KBTBD11: variants seen among roughly 807,000 people sequenced by gnomAD.
The protein encoded by KBTBD11 is kelch repeat and BTB domain containing 11.
For missense variants in KBTBD11, 1,390 were observed against 1,001.8 expected (o/e 1.39, Z -5.23); for synonymous variants, 747 against 499.0 (o/e 1.50, Z -6.63).
chr8:1,993,958 C>CAAAAAAAAAAAA lies in KBTBD11; in HGVS notation c.-908-6323_-908-6322insAAAAAAAAAAAA, dbSNP rs1491480347. ...ACACACACACACACACACACACACA[C>CAAAAAAAAAAAA]AAAACCCCATAGATGGTTTATCAGG... On this transcript the variant is annotated intron_variant, in intron 1 of 1. Coordinates refer to ENST00000320248, the MANE Select transcript of KBTBD11 (RefSeq NM_014867.3). 5.4e-5 allele frequency among the ~76,000 whole-genome samples: 8 copies of CAAAAAAAAAAAA among 148,244 alleles called. No individual in the cohort carries two copies. The East Asian group carries it at 1.2e-3, about 22-fold the overall frequency.
rs1010456514 is a variant in KBTBD11 at position 1,973,829 on chromosome 8, G to C, written c.-1015G>C. On this transcript the variant is annotated 5_prime_UTR_variant, in exon 1 of 2. Coordinates refer to ENST00000320248, the MANE Select transcript of KBTBD11 (RefSeq NM_014867.3). Reference sequence around the variant, plus strand: ...CCGCTCGCAGGTGCTCGGAGAGGCCGGGCCGCGGCTCCCACAGGTGCCGGG... The same window carrying C: ...CCGCTCGCAGGTGCTCGGAGAGGCCCGGCCGCGGCTCCCACAGGTGCCGGG... 11 of 983,032 alleles carry C rather than the reference G, an allele frequency of 1.1e-5. No homozygotes were observed. The highest frequency in any genetic ancestry group is 1.8e-5 in the African/African-American group (1 of 56,884). The allele number at this position is 983,032 out of a possible 1,614,324, so 60.9% of individuals were successfully genotyped here. A position where few individuals can be genotyped will look rare whatever the true frequency, so the allele number is the denominator to read the frequency against.
chr8:2,003,253 T>C lies in KBTBD11; in HGVS notation c.*189T>C. 1.0e-6 allele frequency: 1 copy of C among 955,442 alleles called. No homozygotes were observed. The highest frequency in any genetic ancestry group is 1.4e-6 in the Non-Finnish European group (1 of 725,056). The allele number at this position is 955,442 out of a possible 1,614,324, so 59.2% of individuals were successfully genotyped here. On this transcript the variant is annotated 3_prime_UTR_variant, in exon 2 of 2. Coordinates refer to ENST00000320248, the MANE Select transcript of KBTBD11 (RefSeq NM_014867.3). ...TGCTTTCCTTTTGCTTGTCTTTGCT[T>C]CTGGGGGTGGATGCCTTGAGACCCA... is the stretch of plus-strand genomic sequence containing the variant.
chr8:1,984,745 A>T (rs1816656416), intron 1 of KBTBD11, among the ~76,000 whole-genome samples: 1 of 152,164 alleles, frequency 6.6e-6, no homozygotes, highest in African/African-American at 2.4e-5. Flanking sequence ...GACTTTTGAA[A>T]CAAACTGTGA....
chr8:2,002,000 C>G lies in KBTBD11; in HGVS notation c.808C>G (p.Pro270Ala), dbSNP rs780599733. ...SDHYLEVLREPAVFGRLSGAE... is the reference protein window; with the variant it reads ...SDHYLEVLREAAVFGRLSGAE... Reference sequence around the variant, plus strand: ...CCACTATCTGGAGGTGCTGCGCGAGCCCGCCGTGTTCGGCCGCCTGTCGGG... The same window carrying G: ...CCACTATCTGGAGGTGCTGCGCGAGGCCGCCGTGTTCGGCCGCCTGTCGGG... The change falls in exon 2 of 2, where the codon CCC (proline) becomes GCC (alanine). Residue 270 changes from proline (P) to alanine (A), a missense_variant. Pro to Ala is a conservative substitution (Grantham distance 27, BLOSUM62 -1). Transcript: ENST00000320248. 1 of 1,427,192 alleles carries G rather than the reference C, an allele frequency of 7.0e-7. No individual in the cohort carries two copies. Among genetic ancestry groups the G allele is most frequent in the Non-Finnish European group, 9.2e-7 (1 of 1,081,952 alleles). The allele number at this position is 1,427,192 out of a possible 1,614,324, so 88.4% of individuals were successfully genotyped here.
At chr8:1,994,985 G>T (rs910700864) in intron 1 of KBTBD11, among the ~76,000 whole-genome samples, 3 of 149,594 alleles carry the variant, frequency 2.0e-5, no homozygotes, top group African/African-American at 7.4e-5. Flanking sequence ...CTTGAACCCA[G>T]GAGGCAGAGG....
chr8:1,985,004 T>C (rs773122586), intron 1 of KBTBD11, among the ~76,000 whole-genome samples: 2 of 152,194 alleles, frequency 1.3e-5, no homozygotes, highest in Non-Finnish European at 2.9e-5. Flanking sequence ...CCTGGCAGTC[T>C]GATCAGGTAT....
chr8:1,979,022 T>C (rs769370152), intron 1 of KBTBD11, among the ~76,000 whole-genome samples: 9 of 152,158 alleles, frequency 5.9e-5, no homozygotes, highest in Non-Finnish European at 1.2e-4. Context: ...CTCGTGCTGG[T>C]CAGGGTTCTC....
intron 1 of KBTBD11, among the ~76,000 whole-genome samples, chr8:1,983,300 C>T (rs1270404994): frequency 6.6e-6 from 1 of 152,216 alleles, no homozygotes; most frequent in Non-Finnish European, 1.5e-5. Context: ...TAGGCCAGGT[C>T]ATCACAGCTG....
chr8:1,976,424 A>C (rs1397133328), intron 1 of KBTBD11: 1 of 152,230 alleles, frequency 6.6e-6, no homozygotes, highest in Non-Finnish European at 1.5e-5. Context: ...TTTTGCCAAC[A>C]GCCAGGTTCC....
chr8:2,001,799 A>C lies in KBTBD11; in HGVS notation c.607A>C (p.Asn203His). The change falls in exon 2 of 2, where the codon AAC (asparagine) becomes CAC (histidine). Residue 203 changes from asparagine to histidine, a missense_variant. By Grantham distance (68) the Asn-to-His change is moderately conservative. Transcript: ENST00000320248. ...GCGCATGGCGGGCGTGCGGCCCGAC[A>C]ACGTGGCCGAGGTGGTGGCCGGCGC... is the stretch of plus-strand genomic sequence containing the variant. The part of the protein sequence containing the change: ...SGRMAGVRPD[N>H]VAEVVAGARR... The C allele has an allele frequency of 1.6e-6, 2 of 1,249,246 alleles. No homozygotes were observed. The highest frequency in any genetic ancestry group is 2.0e-6 in the Non-Finnish European group (2 of 1,000,962). 77.4% of individuals were successfully genotyped at this position (1,249,246 alleles called of 1,614,324 possible). A position where few individuals can be genotyped will look rare whatever the true frequency, so the allele number is the denominator to read the frequency against.
chr8:1,984,393 G>A (rs1022259018), intron 1 of KBTBD11, among the ~76,000 whole-genome samples: 4 of 143,828 alleles, frequency 2.8e-5, no homozygotes, highest in East Asian at 2.1e-4. Flanking sequence ...GGTTCACGCC[G>A]TTCTCCTGCC....
chr8:2,002,541 A>T lies in KBTBD11; in HGVS notation c.1349A>T (p.His450Leu). The part of the protein sequence containing the change: ...PLPRGAFAVA[H>L]EATTCHGEIY... ...CCCCGGGGCGCCTTCGCCGTGGCGCATGAGGCCACCACCTGCCACGGCGAG... is the reference window on the plus strand; with the variant it reads ...CCCCGGGGCGCCTTCGCCGTGGCGCTTGAGGCCACCACCTGCCACGGCGAG... Residue 450 changes from histidine to leucine, a missense_variant, in exon 2 of 2, where the codon CAT (histidine) becomes CTT (leucine). Physicochemically the swap from His to Leu is moderately conservative, Grantham distance 99. Coordinates refer to ENST00000320248, the MANE Select transcript of KBTBD11 (RefSeq NM_014867.3). The surrounding 1 kb of genome is among the most constrained non-coding windows in gnomAD (Gnocchi z 4.1). 6.4e-7 allele frequency: 1 copy of T among 1,562,342 alleles called. No homozygotes were observed.
At position 2,002,443 on chromosome 8, in the gene KBTBD11, G is replaced by A. The variant is rs1166625045; in HGVS notation, c.1251G>A (p.Val417=). The change falls in exon 2 of 2, where the codon GTG becomes GTA. Residue 417 remains valine (V), a synonymous_variant. Coordinates refer to ENST00000320248, the MANE Select transcript of KBTBD11 (RefSeq NM_014867.3). This position sits in a 1 kb window ranked among gnomAD's most constrained non-coding sequence, Gnocchi z 4.1. ...LLALDGHLYA[V]GGECLLSVER... is the part of the protein sequence containing the mutation. ...CCCTGGACGGTCACCTCTACGCCGTGGGCGGCGAGTGCCTGCTCAGCGTGG... is the reference window on the plus strand; with the variant it reads ...CCCTGGACGGTCACCTCTACGCCGTAGGCGGCGAGTGCCTGCTCAGCGTGG... 2.0e-6 allele frequency: 3 copies of A among 1,505,564 alleles called. No homozygotes were observed. The highest frequency in any genetic ancestry group is 1.4e-5 in the African/African-American group (1 of 69,084). The allele number at this position is 1,505,564 out of a possible 1,614,324, so 93.3% of individuals were successfully genotyped here. A position where few individuals can be genotyped will look rare whatever the true frequency, so the allele number is the denominator to read the frequency against.
chr8:2,001,303 C>A lies in KBTBD11; in HGVS notation c.111C>A (p.Leu37=). 1 of 1,524,738 alleles carries A rather than the reference C, an allele frequency of 6.6e-7. No homozygotes were observed. The highest frequency in any genetic ancestry group is 1.2e-5 in the South Asian group (1 of 81,916). The allele number at this position is 1,524,738 out of a possible 1,614,324, so 94.5% of individuals were successfully genotyped here. A position where few individuals can be genotyped will look rare whatever the true frequency, so the allele number is the denominator to read the frequency against. Residue 37 remains leucine, a synonymous_variant, in exon 2 of 2, where the codon CTC becomes CTA. Coordinates refer to ENST00000320248, the MANE Select transcript of KBTBD11 (RefSeq NM_014867.3). ...CCCCGGCGCAGACACCCTGCAGTCT[C>A]GGCGCGTCCCTGTGCTTCAGCTCCG... ...AASPAQTPCS[L]GASLCFSSGE... is the part of the protein sequence containing the mutation.
chr8:1,993,952 C>A (rs911091793), intron 1 of KBTBD11, among the ~76,000 whole-genome samples: 1 of 151,308 alleles, frequency 6.6e-6, no homozygotes, highest in African/African-American at 2.4e-5. Context: ...CACACACACA[C>A]ACACACAAAA....
chr8:1,998,795 A>G (rs1328024939), intron 1 of KBTBD11, among the ~76,000 whole-genome samples: 1 of 134,672 alleles, frequency 7.4e-6, no homozygotes, highest in Non-Finnish European at 1.5e-5. Flanking sequence ...CCTTTGCATG[A>G]CTCAGCTGGC....
intron 1 of KBTBD11, among the ~76,000 whole-genome samples, chr8:1,982,119 G>T (rs1310625204): frequency 6.6e-6 from 1 of 152,174 alleles, no homozygotes; most frequent in Non-Finnish European, 1.5e-5. Flanking sequence ...ACATAAAATG[G>T]GTGGGGGGCA....
rs1817327693 is a variant in KBTBD11 at position 2,001,133 on chromosome 8, G to T, written c.-60G>T. The T allele has an allele frequency of 1.6e-6, 2 of 1,285,136 alleles. No homozygotes were observed. The highest frequency in any genetic ancestry group is 6.3e-5 in the East Asian group (2 of 31,848). 79.6% of individuals were successfully genotyped at this position (1,285,136 alleles called of 1,614,324 possible). ...AAACCCCGGAGTAAGGCTCGACCTT[G>T]GCCAGACCTGCAGGCTGCGGAACCG... On this transcript the variant is annotated 5_prime_UTR_variant, in exon 2 of 2. Transcript: ENST00000320248.
At position 1,973,771 on chromosome 8, in the gene KBTBD11, C is replaced by T; in HGVS notation, c.-1073C>T. The stretch of plus-strand genomic sequence containing the variant: ...GGCCTGTCCACCGCCCCCTCTGCCG[C>T]CCACGCCCCGCTGCGGGTCGGAGGA... On this transcript the variant is annotated 5_prime_UTR_variant, in exon 1 of 2. Coordinates refer to ENST00000320248, the MANE Select transcript of KBTBD11 (RefSeq NM_014867.3). The T allele has an allele frequency of 1.6e-5, 16 of 983,800 alleles. No individual in the cohort carries two copies. Among genetic ancestry groups the T allele is most frequent in the Non-Finnish European group, 1.8e-5 (15 of 829,340 alleles). The allele number at this position is 983,800 out of a possible 1,614,324, so 60.9% of individuals were successfully genotyped here.
Sources: gnomAD v4.1 joint callset for allele counts (sites outside exome capture counted in the v4.1 genomes callset) on GRCh38, gnomAD v4.1.1 for gene constraint, Gnocchi (gnomAD v3.1) non-coding constraint, MANE v1.5 for transcripts, NCBI Gene and HGNC (gene_info 2026-07-23, HGNC 2026-07-21) for gene names.